The following ROBO2 variants were observed in gnomAD, a reference collection of about 807,000 sequenced individuals.
ROBO2 encodes roundabout homolog 2.
A neutral mutation model predicts 160.8 loss-of-function variants in ROBO2; 53 were observed. That is an observed-to-expected ratio of 0.33 (90% CI 0.26 to 0.41). The LOEUF is 0.41. Among genes scored for constraint, ROBO2 ranks in the 10% least tolerant of loss-of-function variants. The probability of loss-of-function intolerance (pLI) is 1.00; values close to 1 mark genes in which losing one functional copy is unlikely to be tolerated. For missense variants in ROBO2, 1,577 were observed against 1,722.4 expected, an observed-to-expected ratio of 0.92 and a Z score of 1.49; for synonymous variants, 664 against 611.7, an observed-to-expected ratio of 1.09 and a Z score of -1.26.
chr3:75,961,908 A>G (rs1341158538), intron 2 of ROBO2, among the ~76,000 whole-genome samples: 1 of 151,446 alleles, frequency 6.6e-6, no homozygotes, highest in Non-Finnish European at 1.5e-5. Flanking sequence ...CATTGTCACA[A>G]AAACATTAAT....
chr3:76,678,661 G>A (rs1223483454), intron 2 of ROBO2, among the ~76,000 whole-genome samples: 1 of 151,988 alleles, frequency 6.6e-6, no homozygotes, highest in African/African-American at 2.4e-5. Context: ...AATGTTATAA[G>A]TATTTATGTA....
At chr3:76,762,812 T>A (rs753889826) in intron 2 of ROBO2, among the ~76,000 whole-genome samples, 2 of 151,758 alleles carry the variant, frequency 1.3e-5, no homozygotes, top group Non-Finnish European at 3.0e-5. Context: ...GAAAAAGAGA[T>A]GCAGAATATG....
chr3:77,147,069 G>A (rs1377015992), intron 2 of ROBO2, among the ~76,000 whole-genome samples: 1 of 152,112 alleles, frequency 6.6e-6, no homozygotes, highest in East Asian at 1.9e-4. Flanking sequence ...ACCTGTTTAT[G>A]GTAGAAATTT....
At chr3:76,572,399 T>C (rs1324941189) in intron 2 of ROBO2, among the ~76,000 whole-genome samples, 2 of 152,134 alleles carry the variant, frequency 1.3e-5, no homozygotes, top group African/African-American at 2.4e-5. Flanking sequence ...TTTGTTTGTT[T>C]TTTAATGAAA....
At chr3:76,677,067 A>G (rs1003013620) in intron 2 of ROBO2, among the ~76,000 whole-genome samples, 2 of 151,090 alleles carry the variant, frequency 1.3e-5, no homozygotes, top group Non-Finnish European at 2.9e-5. Flanking sequence ...TACAAGTGCT[A>G]CTAAAGTTTC....
chr3:77,433,486 G>GTATATA (rs57475227), intron 2 of ROBO2, among the ~76,000 whole-genome samples: 1,265 of 99,306 alleles, frequency 0.013, 36 homozygotes, highest in Admixed American at 0.034. Context: ...CTGGCAACTT[G>GTATATA]TATATATATA....
intron 2 of ROBO2, among the ~76,000 whole-genome samples, chr3:77,445,761 A>G (rs935484856): frequency 2.0e-5 from 3 of 149,262 alleles, no homozygotes; most frequent in Non-Finnish European, 4.4e-5. Flanking sequence ...TAAAGGTACC[A>G]GTTGCTTTTA....
At chr3:76,744,276 G>A (rs1404225800) in intron 2 of ROBO2, among the ~76,000 whole-genome samples, 2 of 152,008 alleles carry the variant, frequency 1.3e-5, no homozygotes, top group African/African-American at 4.8e-5. Context: ...TTCTCCGCCT[G>A]TTACTTCTTC....
intron 2 of ROBO2, among the ~76,000 whole-genome samples, chr3:75,985,634 T>G (rs2107476245): frequency 6.6e-6 from 1 of 151,692 alleles, no homozygotes; most frequent in South Asian, 2.1e-4. Flanking sequence ...TGATACTAAG[T>G]ACATTTATAT....
chr3:76,345,495 T>G (rs2074478520), intron 2 of ROBO2, among the ~76,000 whole-genome samples: 2 of 151,282 alleles, frequency 1.3e-5, no homozygotes, highest in Non-Finnish European at 2.9e-5. Context: ...AGAAAACTAT[T>G]ATTCCTGGTT....
At chr3:77,311,316 G>A (rs533642508) in intron 2 of ROBO2, among the ~76,000 whole-genome samples, 94 of 152,156 alleles carry the variant, frequency 6.2e-4, no homozygotes, top group African/African-American at 2.1e-3. Flanking sequence ...CGGTGCTTTC[G>A]GTAGCTCCAA....
intron 2 of ROBO2, among the ~76,000 whole-genome samples, chr3:77,165,122 G>C (rs1461299685): frequency 2.6e-5 from 4 of 151,890 alleles, no homozygotes; most frequent in East Asian, 1.9e-4. Context: ...AATGGAAAGG[G>C]GGGAAAGGCG....
intron 2 of ROBO2, among the ~76,000 whole-genome samples, chr3:76,478,582 C>T (rs1217410174): frequency 1.3e-5 from 2 of 151,866 alleles, no homozygotes; most frequent in African/African-American, 4.8e-5. Context: ...TAAATGATCC[C>T]TTAACAATTG....
At chr3:77,252,831 A>AAAAAATATATATATAT in intron 2 of ROBO2, among the ~76,000 whole-genome samples, 2 of 12,520 alleles carry the variant, frequency 1.6e-4, no homozygotes, top group African/African-American at 3.2e-4. Context: ...AAAAAAAAAA[A>AAAAAATATATATATAT]ATATATATAT....
chr3:77,034,327 T>C (rs1208290620), intron 2 of ROBO2, among the ~76,000 whole-genome samples: 1 of 150,500 alleles, frequency 6.6e-6, no homozygotes, highest in Non-Finnish European at 1.5e-5. Flanking sequence ...ATATTACTTA[T>C]ACTCCTGGCT....
chr3:76,329,936 A>G (rs899672307), intron 2 of ROBO2, among the ~76,000 whole-genome samples: 3 of 152,208 alleles, frequency 2.0e-5, no homozygotes, highest in African/African-American at 4.8e-5. Flanking sequence ...TTCAAAGGCA[A>G]GAGAAGCTGG....
chr3:77,143,892 T>A (rs2150457263), intron 2 of ROBO2, among the ~76,000 whole-genome samples: 1 of 152,328 alleles, frequency 6.6e-6, no homozygotes, highest in Non-Finnish European at 1.5e-5. Context: ...TCTTAGAAGT[T>A]GTTTTGCTAC....
intron 2 of ROBO2, among the ~76,000 whole-genome samples, chr3:77,216,834 A>G (rs1560262269): frequency 6.6e-6 from 1 of 152,192 alleles, no homozygotes; most frequent in Non-Finnish European, 1.5e-5. Flanking sequence ...TTAGAATGCC[A>G]TATTTTTTTC....
At chr3:76,308,394 AAAAG>A (rs1220755356) in intron 2 of ROBO2, among the ~76,000 whole-genome samples, 48 of 150,796 alleles carry the variant, frequency 3.2e-4, no homozygotes, top group African/African-American at 6.1e-4. Flanking sequence ...AAAAAAAAAA[AAAAG>A]AAAGAAAGAA....
Sources: allele counts gnomAD v4.1 joint callset (sites outside exome capture counted in the v4.1 genomes callset), GRCh38; gene constraint gnomAD v4.1.1; transcripts MANE v1.5; gene names NCBI Gene and HGNC (gene_info 2026-07-23, HGNC 2026-07-21).